The following APBB2 variants were observed in gnomAD, a reference collection of about 807,000 sequenced individuals.
APBB2 encodes amyloid beta precursor protein binding family B member 2, also known as Fe65-like 1.
APBB2 carries 38 observed loss-of-function variants against 82.5 expected under a neutral mutation model. That is an observed-to-expected ratio of 0.46 (90% confidence interval 0.36 to 0.60). The LOEUF (loss-of-function observed/expected upper bound fraction) is 0.60. Ranked by LOEUF, APBB2 falls within the 20% of genes least tolerant of loss-of-function variation. The pLI is 0.00. For synonymous variants in APBB2, 341 were observed against 368.2 expected (o/e 0.93, Z 0.85); for missense variants, 772 against 972.3 (o/e 0.79, Z 2.74).
intron 16 of APBB2, 152 bp from the exon 17 acceptor site, chr4:40,822,202 T>G (rs1748229574): frequency 1.2e-6 from 1 of 820,742 alleles, no homozygotes; most frequent in Non-Finnish European, 1.9e-6. Flanking sequence ...TGCCCAAATG[T>G]CTGAAGAGGC....
intron 3 of APBB2, among the ~76,000 whole-genome samples, chr4:41,080,698 CTTTT>C: frequency 8.3e-6 from 1 of 120,914 alleles, no homozygotes; most frequent in African/African-American, 3.1e-5. Flanking sequence ...GTAAATGCTC[CTTTT>C]TTTTTTTTTT....
chr4:41,148,976 C>G (rs1232826362), intron 1 of APBB2, among the ~76,000 whole-genome samples: 1 of 152,116 alleles, frequency 6.6e-6, no homozygotes, highest in Non-Finnish European at 1.5e-5. Flanking sequence ...ACCAAAGTAT[C>G]CATGCAAAAG....
At chr4:40,962,495 A>G (rs1469625187) in intron 6 of APBB2, among the ~76,000 whole-genome samples, 1 of 152,220 alleles carries the variant, frequency 6.6e-6, no homozygotes, top group Non-Finnish European at 1.5e-5. Context: ...CACAAATTGA[A>G]CAGATCTAAG....
chr4:41,052,770 CTTCT>C (rs1560623878), intron 4 of APBB2, among the ~76,000 whole-genome samples: 48 of 105,854 alleles, frequency 4.5e-4, no homozygotes, highest in Non-Finnish European at 4.0e-4. Flanking sequence ...TTCTTTCTTT[CTTCT>C]TTTTTTTTTT....
intron 12 of APBB2, among the ~76,000 whole-genome samples, chr4:40,863,396 TGTTCTGATTCAGTGGGTCTGCAG>T (rs1338389252): frequency 2.0e-5 from 3 of 152,172 alleles, no homozygotes. Context: ...TCTGAGGACT[TGTTCTGATTCAGTGGGTCTGCAG>T]GTTCTGATTC....
chr4:41,101,280 A>C (rs948846899), intron 2 of APBB2, among the ~76,000 whole-genome samples: 2 of 149,442 alleles, frequency 1.3e-5, no homozygotes, highest in Admixed American at 6.6e-5. Context: ...CTGGCTAACA[A>C]GGTGAAACCC....
chr4:40,822,290 CCCATTCT>C, intron 16 of APBB2: 1 of 496,428 alleles, frequency 2.0e-6, no homozygotes, highest in Non-Finnish European at 3.6e-6. Context: ...TGATGTGGGT[CCCATTCT>C]CCATTATGCT....
At chr4:40,968,481 C>A (rs1484722955) in intron 6 of APBB2, among the ~76,000 whole-genome samples, 1 of 152,120 alleles carries the variant, frequency 6.6e-6, no homozygotes, top group African/African-American at 2.4e-5. Context: ...CATGAACATC[C>A]ATTTCAACCA....
intron 2 of APBB2, among the ~76,000 whole-genome samples, chr4:41,110,811 C>T (rs866616144): frequency 2.0e-5 from 3 of 152,024 alleles, no homozygotes; most frequent in African/African-American, 4.8e-5. Flanking sequence ...GAACTGGTTT[C>T]GTGAAAGACA....
intron 1 of APBB2, among the ~76,000 whole-genome samples, chr4:41,209,186 TATTAAAAATTATTTC>T (rs1197717764): frequency 6.6e-6 from 1 of 152,150 alleles, no homozygotes; most frequent in African/African-American, 2.4e-5. Context: ...ACTCTCCCTT[TATTAAAAATTATTTC>T]AATGGGATAA....
At chr4:41,203,983 A>T (rs1161686208) in intron 1 of APBB2, among the ~76,000 whole-genome samples, 1 of 151,860 alleles carries the variant, frequency 6.6e-6, no homozygotes, top group Non-Finnish European at 1.5e-5. Context: ...GAAAATTTTC[A>T]GTGAGCCTGC....
chr4:40,838,868 T>C (rs1754905323), intron 12 of APBB2, among the ~76,000 whole-genome samples: 1 of 152,208 alleles, frequency 6.6e-6, no homozygotes, highest in Non-Finnish European at 1.5e-5. Context: ...GCTTATGTGT[T>C]TACCTCTCTT....
chr4:40,966,533 T>C (rs1444805110), intron 6 of APBB2, among the ~76,000 whole-genome samples: 1 of 152,198 alleles, frequency 6.6e-6, no homozygotes, highest in Non-Finnish European at 1.5e-5. Flanking sequence ...TCTGTACTCT[T>C]GGGGGCCTAG....
In APBB2 at chr4:41,092,372, G is replaced by A. The variant is rs117839928; in HGVS notation, c.-149+8267C>T. Among the ~76,000 whole-genome samples, 46 of 152,216 alleles carry A rather than the reference G, an allele frequency of 3.0e-4. 1 individual carries two copies. The East Asian group carries it at 8.1e-3, about 27-fold the overall frequency. ...AACCTGGAAGTGGGTTTTTAAAGTCGGCATTCCTAGCTCCTGCTTTTCACT... is the reference window on the plus strand; with the variant it reads ...AACCTGGAAGTGGGTTTTTAAAGTCAGCATTCCTAGCTCCTGCTTTTCACT... On this transcript the variant is annotated intron_variant, in intron 3 of 17. Transcript: ENST00000508593.
intron 7 of APBB2, among the ~76,000 whole-genome samples, chr4:40,940,298 T>C (rs1786510611): frequency 6.6e-6 from 1 of 151,570 alleles, no homozygotes; most frequent in African/African-American, 2.4e-5. Flanking sequence ...GAGGCTATAG[T>C]CATTAGAGGA....
chr4:41,010,351 A>G (rs900561431), intron 6 of APBB2, among the ~76,000 whole-genome samples: 7 of 152,188 alleles, frequency 4.6e-5, no homozygotes, highest in Non-Finnish European at 8.8e-5. Flanking sequence ...ACCAACTTTC[A>G]GAGAGAAAAC....
intron 4 of APBB2, among the ~76,000 whole-genome samples, chr4:41,048,836 C>G (rs1168320156): frequency 2.6e-5 from 4 of 152,172 alleles, no homozygotes; most frequent in African/African-American, 9.7e-5. Context: ...CCACGCCGGA[C>G]TAGTTTTCGT....
At chr4:41,094,084 T>G (rs1742690507) in intron 3 of APBB2, among the ~76,000 whole-genome samples, 1 of 152,190 alleles carries the variant, frequency 6.6e-6, no homozygotes, top group Admixed American at 6.5e-5. Context: ...AACATCATGT[T>G]GTATACTATA....
intron 3 of APBB2, among the ~76,000 whole-genome samples, chr4:41,095,941 G>A (rs372860678): frequency 2.6e-5 from 4 of 152,114 alleles, no homozygotes; most frequent in African/African-American, 7.2e-5. Flanking sequence ...GCACCTTTTC[G>A]ATCTCAGGGT....
Sources: gnomAD v4.1 joint callset for allele counts (sites outside exome capture counted in the v4.1 genomes callset) on GRCh38, gnomAD v4.1.1 for gene constraint, MANE v1.5 for transcripts, NCBI Gene and HGNC (gene_info 2026-07-23, HGNC 2026-07-21) for gene names.